The following PTPRT variants were observed in gnomAD, a reference collection of about 807,000 sequenced individuals.
The protein encoded by PTPRT is protein tyrosine phosphatase receptor type T.
PTPRT carries 56 observed loss-of-function variants against 176.8 expected under a neutral mutation model. That is an observed-to-expected ratio of 0.32 (90% CI 0.26 to 0.40). The LOEUF is 0.40. PTPRT is among the 10% of genes least tolerant of loss of function. The probability of loss-of-function intolerance (pLI) is 1.00; values close to 1 mark genes in which losing one functional copy is unlikely to be tolerated. For missense variants in PTPRT, 1,540 were observed against 1,908.2 expected (o/e 0.81, Z 3.60); for synonymous variants, 783 against 739.0 (o/e 1.06, Z -0.96).
At chr20:42,989,417 T>C (rs1259094331) in intron 1 of PTPRT, among the ~76,000 whole-genome samples, 1 of 152,250 alleles carries the variant, frequency 6.6e-6, no homozygotes, top group South Asian at 2.1e-4. Context: ...AGTATCACTT[T>C]AGCAGTTAGC....
At position 42,176,653 on chromosome 20, in the gene PTPRT, T is replaced by C. The variant is rs140860826; in HGVS notation, c.2492-15111A>G. Reference sequence around the variant, plus strand: ...GAAAATACAGACTGCTCCTATTTTCTATCTCTCATTCATAAAAATTATAAT... The same window carrying C: ...GAAAATACAGACTGCTCCTATTTTCCATCTCTCATTCATAAAAATTATAAT... On this transcript the variant is annotated intron_variant, in intron 16 of 30. Transcript: ENST00000373187. Among the ~76,000 whole-genome samples, 1,163 of 152,322 alleles carry C rather than the reference T, an allele frequency of 7.6e-3. 14 individuals carry two copies. Among genetic ancestry groups the C allele is most frequent in the Middle Eastern group, 0.017 (5 of 294 alleles).
intron 1 of PTPRT, among the ~76,000 whole-genome samples, chr20:43,131,247 G>A (rs1225508548): frequency 6.6e-6 from 1 of 152,188 alleles, no homozygotes; most frequent in African/African-American, 2.4e-5. Context: ...CCCTGACACA[G>A]CTTCAGGGAA....
intron 7 of PTPRT, among the ~76,000 whole-genome samples, chr20:42,504,074 T>C (rs1286058407): frequency 6.6e-6 from 1 of 152,160 alleles, no homozygotes; most frequent in Non-Finnish European, 1.5e-5. Flanking sequence ...TTTTTCATTA[T>C]CTTTTCCATC....
intron 7 of PTPRT, among the ~76,000 whole-genome samples, chr20:42,601,666 C>T (rs1477904651): frequency 3.3e-5 from 5 of 152,088 alleles, no homozygotes; most frequent in Non-Finnish European, 1.5e-5. Flanking sequence ...TTCTCCAGTG[C>T]CTAGTTTGGG....
chr20:42,035,427 A>C, the PTPRT span, among the ~76,000 whole-genome samples: 1 of 152,166 alleles, frequency 6.6e-6, no homozygotes. Flanking sequence ...ACTCCTGGTC[A>C]GTCTTACCAT....
chr20:42,893,932 C>A (rs1413093989), intron 1 of PTPRT, among the ~76,000 whole-genome samples: 4 of 151,680 alleles, frequency 2.6e-5, no homozygotes, highest in Non-Finnish European at 5.9e-5. Context: ...TAATGGGTGC[C>A]ACACACCTGC....
intron 9 of PTPRT, among the ~76,000 whole-genome samples, chr20:42,374,447 G>A (rs984652076): frequency 7.9e-5 from 12 of 151,614 alleles, no homozygotes; most frequent in African/African-American, 2.9e-4. Flanking sequence ...CAGTGATAGA[G>A]TTTAAAAATC....
At chr20:42,504,416 A>C (rs1385050883) in intron 7 of PTPRT, among the ~76,000 whole-genome samples, 1 of 152,180 alleles carries the variant, frequency 6.6e-6, no homozygotes, top group Non-Finnish European at 1.5e-5. Context: ...TTTTGAGATC[A>C]AGTTATTATG....
At chr20:42,457,989 G>T (rs924489045) in intron 8 of PTPRT, among the ~76,000 whole-genome samples, 2 of 152,050 alleles carry the variant, frequency 1.3e-5, no homozygotes, top group Non-Finnish European at 2.9e-5. Flanking sequence ...CAGCTCCAAC[G>T]CCCACTCCTG....
At chr20:42,578,946 T>C (rs2073318034) in intron 7 of PTPRT, among the ~76,000 whole-genome samples, 1 of 147,266 alleles carries the variant, frequency 6.8e-6, no homozygotes, top group Non-Finnish European at 1.5e-5. Context: ...TTAGGGTACA[T>C]GTGCACAATG....
At chr20:42,283,416 A>G (rs2147059949) in intron 12 of PTPRT, among the ~76,000 whole-genome samples, 1 of 152,290 alleles carries the variant, frequency 6.6e-6, no homozygotes, top group Admixed American at 6.5e-5. Flanking sequence ...GCTGCAGCTC[A>G]TTCACAAAGA....
chr20:43,049,757 T>C (rs1476667400), intron 1 of PTPRT, among the ~76,000 whole-genome samples: 1 of 152,194 alleles, frequency 6.6e-6, no homozygotes, highest in Non-Finnish European at 1.5e-5. Flanking sequence ...CTTTCAGCTC[T>C]AAATATGCTT....
intron 2 of PTPRT, among the ~76,000 whole-genome samples, chr20:42,799,717 T>C (rs1484534581): frequency 6.6e-6 from 1 of 152,244 alleles, no homozygotes; most frequent in Admixed American, 6.5e-5. Context: ...CCCTTCAGAC[T>C]CTTCACCTCT....
chr20:43,053,056 T>TAA (rs3092133), intron 1 of PTPRT, among the ~76,000 whole-genome samples: 3 of 146,330 alleles, frequency 2.1e-5, no homozygotes, highest in Non-Finnish European at 4.6e-5. Context: ...GCCTCAGACA[T>TAA]AAAAAAAAAA....
intron 7 of PTPRT, among the ~76,000 whole-genome samples, chr20:42,631,774 A>C (rs768695995): frequency 1.8e-4 from 27 of 152,196 alleles, no homozygotes; most frequent in Non-Finnish European, 3.1e-4. Context: ...TGAATGAATG[A>C]ATGAATGAAT....
At chr20:42,343,561 GCAATGAGATACTA>G (rs1028465834) in intron 11 of PTPRT, among the ~76,000 whole-genome samples, 200 of 152,292 alleles carry the variant, frequency 1.3e-3, no homozygotes, top group African/African-American at 4.7e-3. Context: ...TGGCCCTTTG[GCAATGAGATACTA>G]CAAGCTTGTC....
At chr20:42,663,850 ATTTAC>A (rs2075268366) in intron 7 of PTPRT, among the ~76,000 whole-genome samples, 1 of 152,164 alleles carries the variant, frequency 6.6e-6, no homozygotes, top group Non-Finnish European at 1.5e-5. Flanking sequence ...GTGCACCAAA[ATTTAC>A]TTAACTACTC....
chr20:42,261,705 C>A (rs181018448), intron 13 of PTPRT, among the ~76,000 whole-genome samples: 1 of 152,178 alleles, frequency 6.6e-6, no homozygotes, highest in African/African-American at 2.4e-5. Flanking sequence ...TTTGTCTGAA[C>A]TGCATAGCAG....
downstream of PTPRT, among the ~76,000 whole-genome samples, chr20:42,070,847 G>A (rs1389514411): frequency 6.6e-6 from 1 of 152,076 alleles, no homozygotes; most frequent in Non-Finnish European, 1.5e-5. Flanking sequence ...TTCCATTTTG[G>A]GGAAAGATGA....
Sources: gnomAD v4.1 joint callset for allele counts (sites outside exome capture counted in the v4.1 genomes callset) on GRCh38, gnomAD v4.1.1 for gene constraint, MANE v1.5 for transcripts, NCBI Gene and HGNC (gene_info 2026-07-23, HGNC 2026-07-21) for gene names.